The following TASP1 variants were observed in gnomAD, a reference collection of about 807,000 sequenced individuals.
The protein encoded by TASP1 is taspase 1.
In TASP1, 16 loss-of-function variants were observed where a neutral mutation model predicts 56.6. The ratio of observed to expected loss-of-function variants is 0.28; its 90% CI spans 0.19 to 0.43. The LOEUF (loss-of-function observed/expected upper bound fraction) is 0.43, where lower values mean the gene tolerates loss of function less well. Among genes scored for constraint, TASP1 ranks in the 20% least tolerant of loss-of-function variants. The pLI, the probability that TASP1 is intolerant of heterozygous loss-of-function variation, is 1.00. For missense variants in TASP1, 393 were observed against 511.6 expected, an observed-to-expected ratio of 0.77 and a Z score of 2.24; for synonymous variants, 179 against 184.2, an observed-to-expected ratio of 0.97 and a Z score of 0.23.
chr20:13,597,317 C>A (rs2047773308), intron 4 of TASP1, among the ~76,000 whole-genome samples: 1 of 152,152 alleles, frequency 6.6e-6, no homozygotes, highest in Admixed American at 6.5e-5. Context: ...AGCAGCACAT[C>A]AAAAAGCTTA....
the TASP1 span, among the ~76,000 whole-genome samples, chr20:13,349,180 G>A: frequency 6.6e-6 from 1 of 152,054 alleles, no homozygotes; most frequent in Non-Finnish European, 1.5e-5. Flanking sequence ...TGGCTCTCTG[G>A]GCTGTCTCAC....
the TASP1 span, among the ~76,000 whole-genome samples, chr20:13,233,479 C>T: frequency 6.6e-6 from 1 of 151,546 alleles, no homozygotes; most frequent in African/African-American, 2.4e-5. Flanking sequence ...CCTGTAATCC[C>T]AGCTACTCGG....
intron 8 of TASP1, among the ~76,000 whole-genome samples, chr20:13,539,427 G>T (rs911237493): frequency 6.6e-6 from 1 of 152,134 alleles, no homozygotes; most frequent in Admixed American, 6.5e-5. Flanking sequence ...GCACACACCT[G>T]TAGTCTGAGC....
At chr20:13,161,918 C>A in the TASP1 span, among the ~76,000 whole-genome samples, 1 of 152,152 alleles carries the variant, frequency 6.6e-6, no homozygotes, top group Non-Finnish European at 1.5e-5. Context: ...ACAGTAGGTA[C>A]ACAGTACAAA....
At chr20:13,478,066 G>GA (rs1439932588) in intron 11 of TASP1, among the ~76,000 whole-genome samples, 3 of 151,698 alleles carry the variant, frequency 2.0e-5, no homozygotes, top group South Asian at 4.2e-4. Flanking sequence ...TGCAGTAAGA[G>GA]AAAAAAATCT....
chr20:13,550,995 A>AG (rs2045965761), intron 8 of TASP1, among the ~76,000 whole-genome samples: 1 of 152,186 alleles, frequency 6.6e-6, no homozygotes, highest in African/African-American at 2.4e-5. Context: ...TGGTGGATAA[A>AG]AGGGAAAAAT....
intron 10 of TASP1, among the ~76,000 whole-genome samples, chr20:13,503,639 T>C (rs1489171267): frequency 6.6e-6 from 1 of 152,048 alleles, no homozygotes; most frequent in Non-Finnish European, 1.5e-5. Context: ...GATCTACAAA[T>C]TGTCTGAAAA....
At chr20:13,488,918 T>G (rs2043421958) in intron 10 of TASP1, among the ~76,000 whole-genome samples, 1 of 152,118 alleles carries the variant, frequency 6.6e-6, no homozygotes, top group Admixed American at 6.6e-5. Context: ...TTCATCAACT[T>G]ACATCCATCC....
chr20:13,286,606 C>T, the TASP1 span, among the ~76,000 whole-genome samples: 3 of 152,234 alleles, frequency 2.0e-5, no homozygotes, highest in East Asian at 3.9e-4. Context: ...AAGATGGGAG[C>T]AAGCTCTCCA....
At chr20:13,117,198 T>C in the TASP1 span, among the ~76,000 whole-genome samples, 2 of 152,238 alleles carry the variant, frequency 1.3e-5, no homozygotes, top group Non-Finnish European at 2.9e-5. Context: ...ATGGTCAGTC[T>C]AGTTACACCA....
chr20:13,564,057 G>C (rs934468975), intron 7 of TASP1, among the ~76,000 whole-genome samples: 1 of 152,080 alleles, frequency 6.6e-6, no homozygotes, highest in African/African-American at 2.4e-5. Flanking sequence ...ACTAGAACTA[G>C]AAGTCCTAGA....
the TASP1 span, chr20:13,117,653 T>C: frequency 1.2e-6 from 2 of 1,613,964 alleles, no homozygotes; most frequent in African/African-American, 1.3e-5. Flanking sequence ...TAGACCCTCA[T>C]GAAGTTGATG....
At chr20:13,456,221 C>T (rs919375522) in intron 11 of TASP1, among the ~76,000 whole-genome samples, 1 of 152,116 alleles carries the variant, frequency 6.6e-6, no homozygotes, top group African/African-American at 2.4e-5. Flanking sequence ...ATTTTGCTTG[C>T]TGACTTTCTG....
intron 11 of TASP1, among the ~76,000 whole-genome samples, chr20:13,458,852 C>A (rs2043946798): frequency 6.6e-6 from 1 of 152,096 alleles, no homozygotes; most frequent in Non-Finnish European, 1.5e-5. Flanking sequence ...CATGTGGGTT[C>A]AGAGCACTCT....
the TASP1 span, among the ~76,000 whole-genome samples, chr20:13,186,802 T>C: frequency 6.6e-6 from 1 of 152,192 alleles, no homozygotes. Context: ...ACTAAAGACC[T>C]ATTTTCAGCC....
At chr20:13,485,695 A>G (rs1318684597) in intron 10 of TASP1, among the ~76,000 whole-genome samples, 1 of 152,232 alleles carries the variant, frequency 6.6e-6, no homozygotes, top group East Asian at 1.9e-4. Flanking sequence ...GATGACAATA[A>G]AGCTAACAGA....
the TASP1 span, among the ~76,000 whole-genome samples, chr20:13,363,746 CTAGT>C: frequency 6.6e-6 from 1 of 152,168 alleles, no homozygotes; most frequent in Non-Finnish European, 1.5e-5. Flanking sequence ...TACAGGACAC[CTAGT>C]TAATGTCCAA....
chr20:13,420,933 T>C (rs1458204077), intron 12 of TASP1, among the ~76,000 whole-genome samples: 1 of 152,040 alleles, frequency 6.6e-6, no homozygotes, highest in Non-Finnish European at 1.5e-5. Flanking sequence ...GAAGACCAAA[T>C]TCCTTACAAA....
intron 7 of TASP1, among the ~76,000 whole-genome samples, chr20:13,562,735 G>A (rs1200424380): frequency 6.6e-6 from 1 of 151,444 alleles, no homozygotes; most frequent in African/African-American, 2.4e-5. Context: ...AAATTAGCCA[G>A]GCATGGTGGC....
Sources: gnomAD v4.1 joint callset for allele counts (sites outside exome capture counted in the v4.1 genomes callset) on GRCh38, gnomAD v4.1.1 for gene constraint, MANE v1.5 for transcripts, NCBI Gene and HGNC (gene_info 2026-07-23, HGNC 2026-07-21) for gene names.